TMEFF1: variants seen among roughly 807,000 people sequenced by gnomAD.
TMEFF1 encodes tomoregulin-1.
A neutral mutation model predicts 47.5 loss-of-function variants in TMEFF1; 20 were observed. The observed-to-expected ratio is 0.42, with a 90% CI of 0.30 to 0.61. The LOEUF (loss-of-function observed/expected upper bound fraction) is 0.61, where lower values mean the gene tolerates loss of function less well. Among genes scored for constraint, TMEFF1 ranks in the 20% least tolerant of loss-of-function variants. TMEFF1 has a pLI of 0.19. For synonymous variants in TMEFF1, 162 were observed against 166.3 expected (o/e 0.97, Z 0.20); for missense variants, 411 against 471.1 (o/e 0.87, Z 1.18).
intron 5 of TMEFF1, among the ~76,000 whole-genome samples, chr9:100,538,457 CA>C (rs1838562132): frequency 1.3e-5 from 2 of 152,216 alleles, no homozygotes; most frequent in Non-Finnish European, 2.9e-5. Flanking sequence ...CAAAGCCCTG[CA>C]GTCGGCCCTG....
chr9:100,487,677 C>A (rs1000914703), intron 1 of TMEFF1, among the ~76,000 whole-genome samples: 6 of 151,886 alleles, frequency 4.0e-5, no homozygotes, highest in Non-Finnish European at 7.4e-5. Flanking sequence ...TGGTTTCAGC[C>A]AGAGTAACAG....
chr9:100,552,860 T>C (rs1442190987), intron 7 of TMEFF1, among the ~76,000 whole-genome samples: 1 of 140,858 alleles, frequency 7.1e-6, no homozygotes, highest in Non-Finnish European at 1.5e-5. Flanking sequence ...AGACACTGTT[T>C]TGGAAAAAAA....
intron 5 of TMEFF1, among the ~76,000 whole-genome samples, chr9:100,522,071 A>G (rs978333536): frequency 1.1e-4 from 16 of 152,170 alleles, no homozygotes; most frequent in African/African-American, 3.1e-4. Flanking sequence ...AGGTGCAGTG[A>G]TATCTTTTCT....
At chr9:100,561,937 T>C (rs912064755) in intron 8 of TMEFF1, among the ~76,000 whole-genome samples, 3 of 152,058 alleles carry the variant, frequency 2.0e-5, no homozygotes, top group Admixed American at 6.5e-5. Context: ...CAGGTGTGAA[T>C]TGAGAGATGA....
At chr9:100,513,089 A>G (rs1186626176) in intron 3 of TMEFF1, among the ~76,000 whole-genome samples, 1 of 152,120 alleles carries the variant, frequency 6.6e-6, no homozygotes, top group Non-Finnish European at 1.5e-5. Flanking sequence ...ATGGGATACA[A>G]AGATGTATGA....
intron 8 of TMEFF1, among the ~76,000 whole-genome samples, chr9:100,566,864 C>T (rs1262268649): frequency 6.6e-6 from 1 of 151,958 alleles, no homozygotes; most frequent in Non-Finnish European, 1.5e-5. Context: ...ACCACCACAC[C>T]TGGCTATTTT....
intron 7 of TMEFF1, among the ~76,000 whole-genome samples, chr9:100,551,008 G>T (rs1175971395): frequency 2.6e-5 from 4 of 152,224 alleles, no homozygotes; most frequent in African/African-American, 9.6e-5. Context: ...AGGACCAATG[G>T]GAAGATTGAG....
At chr9:100,490,370 GA>G (rs1837526652) in intron 1 of TMEFF1, among the ~76,000 whole-genome samples, 2 of 152,176 alleles carry the variant, frequency 1.3e-5, no homozygotes, top group Middle Eastern at 3.4e-3. Flanking sequence ...GATTTCCTGG[GA>G]CTTGAAGTCA....
chr9:100,547,438 C>T (rs963503646), intron 5 of TMEFF1, among the ~76,000 whole-genome samples: 5 of 152,064 alleles, frequency 3.3e-5, no homozygotes, highest in African/African-American at 1.2e-4. Context: ...AATTCTGTGT[C>T]CTTTACAATG....
At chr9:100,500,096 T>C (rs1223194948) in intron 2 of TMEFF1, among the ~76,000 whole-genome samples, 2 of 152,230 alleles carry the variant, frequency 1.3e-5, no homozygotes, top group East Asian at 3.8e-4. Flanking sequence ...CATAGAGCTC[T>C]GCATAGCATG....
chr9:100,525,048 T>C (rs1207741736), intron 5 of TMEFF1, among the ~76,000 whole-genome samples: 1 of 152,172 alleles, frequency 6.6e-6, no homozygotes, highest in Non-Finnish European at 1.5e-5. Flanking sequence ...ATCTTAGTAA[T>C]GATGGCCATC....
chr9:100,507,233 A>ATG (rs1481425392), intron 2 of TMEFF1, among the ~76,000 whole-genome samples: 1 of 152,096 alleles, frequency 6.6e-6, no homozygotes, highest in Non-Finnish European at 1.5e-5. Context: ...GTGTATATAT[A>ATG]CCACATGTTC....
intron 5 of TMEFF1, among the ~76,000 whole-genome samples, chr9:100,536,611 C>G (rs1489247872): frequency 6.6e-6 from 1 of 152,166 alleles, no homozygotes; most frequent in African/African-American, 2.4e-5. Flanking sequence ...TCTTTTAAGT[C>G]TTCTCTTGAT....
chr9:100,476,282 A>C (rs927196525), intron 1 of TMEFF1, among the ~76,000 whole-genome samples: 1 of 152,160 alleles, frequency 6.6e-6, no homozygotes, highest in African/African-American at 2.4e-5. Flanking sequence ...AAGTTTGAGA[A>C]CCATGTTAAT....
chr9:100,568,519 T>C (rs572427547), intron 8 of TMEFF1, among the ~76,000 whole-genome samples: 24 of 152,336 alleles, frequency 1.6e-4, no homozygotes, highest in African/African-American at 5.8e-4. Context: ...TTCTTTTGAA[T>C]GACTTGTTTG....
chr9:100,576,475 C>G, intron 9 of TMEFF1, 41 bp from the exon 10 acceptor site: 1 of 1,599,418 alleles, frequency 6.3e-7, no homozygotes, highest in Non-Finnish European at 8.5e-7. Context: ...ACAAAATCAT[C>G]AAAACAATAT....
chr9:100,501,330 C>T (rs1409384653), intron 2 of TMEFF1, among the ~76,000 whole-genome samples: 1 of 151,966 alleles, frequency 6.6e-6, no homozygotes, highest in East Asian at 1.9e-4. Flanking sequence ...TTTTGTTGGT[C>T]CTTTTAAATT....
At chr9:100,574,551 T>A (rs1008297180) in intron 9 of TMEFF1, among the ~76,000 whole-genome samples, 1 of 152,082 alleles carries the variant, frequency 6.6e-6, no homozygotes, top group Non-Finnish European at 1.5e-5. Context: ...TTTGTATTTT[T>A]TTTTTTGTAG....
At chr9:100,549,611 A>G (rs1838796652) in intron 6 of TMEFF1, among the ~76,000 whole-genome samples, 1 of 152,162 alleles carries the variant, frequency 6.6e-6, no homozygotes. Flanking sequence ...ACACGTGGTT[A>G]TGGCTCATTT....
Sources: gnomAD v4.1 joint callset for allele counts (sites outside exome capture counted in the v4.1 genomes callset) on GRCh38, gnomAD v4.1.1 for gene constraint, MANE v1.5 for transcripts, NCBI Gene and HGNC (gene_info 2026-07-23, HGNC 2026-07-21) for gene names.